The following IGSF11 variants were observed in gnomAD, a reference collection of about 807,000 sequenced individuals.
IGSF11 encodes immunoglobulin superfamily member 11.
A neutral mutation model predicts 41.0 loss-of-function variants in IGSF11; 22 were observed. The observed-to-expected ratio is 0.54, with a 90% CI of 0.38 to 0.77. IGSF11 has a LOEUF of 0.77. IGSF11 is among the 30% of genes least tolerant of loss of function. The pLI, the probability that IGSF11 is intolerant of heterozygous loss-of-function variation, is 0.00. For synonymous variants in IGSF11, 219 were observed against 201.3 expected (o/e 1.09, Z -0.74); for missense variants, 444 against 530.8 (o/e 0.84, Z 1.61).
intron 1 of IGSF11, among the ~76,000 whole-genome samples, chr3:118,983,136 A>C (rs1197978756): frequency 6.6e-6 from 1 of 152,236 alleles, no homozygotes; most frequent in Non-Finnish European, 1.5e-5. Context: ...GACTAGGTGA[A>C]CATGTAAGCA....
chr3:119,055,118 G>A (rs142222219), intron 1 of IGSF11, among the ~76,000 whole-genome samples: 501 of 152,240 alleles, frequency 3.3e-3, no homozygotes, highest in African/African-American at 0.011. Context: ...GCTGAGGGTC[G>A]TGACTGTTAG....
chr3:118,930,330 C>A, intron 1 of IGSF11, 55 bp from the exon 2 acceptor site: 1 of 1,521,778 alleles, frequency 6.6e-7, no homozygotes, highest in South Asian at 1.3e-5. Flanking sequence ...ACAGTCCAAA[C>A]TCCTTCAGGA....
At chr3:119,083,941 C>T (rs2076629107) in intron 1 of IGSF11, among the ~76,000 whole-genome samples, 1 of 152,112 alleles carries the variant, frequency 6.6e-6, no homozygotes, top group African/African-American at 2.4e-5. Context: ...ATTGTTATCA[C>T]AGGAGATGAC....
intron 1 of IGSF11, among the ~76,000 whole-genome samples, chr3:118,935,998 T>C (rs1337950848): frequency 6.6e-6 from 1 of 152,128 alleles, no homozygotes; most frequent in African/African-American, 2.4e-5. Flanking sequence ...TCCTCTTTAG[T>C]ATATTGATAG....
chr3:118,970,357 T>C (rs1265985971), intron 1 of IGSF11, among the ~76,000 whole-genome samples: 1 of 152,046 alleles, frequency 6.6e-6, no homozygotes, highest in Non-Finnish European at 1.5e-5. Context: ...TGTTACCACA[T>C]AAAAATAAAC....
chr3:118,990,443 A>C (rs1173187520), intron 1 of IGSF11, among the ~76,000 whole-genome samples: 1 of 152,220 alleles, frequency 6.6e-6, no homozygotes, highest in Non-Finnish European at 1.5e-5. Flanking sequence ...CAATTCAATT[A>C]AGTGTCCTGA....
chr3:118,902,808 GCTGA>G lies in IGSF11; in HGVS notation c.1004_1007del (p.Val335AlafsTer38), dbSNP rs951490390. On this transcript the variant is annotated frameshift_variant, in exon 7 of 7. Coordinates refer to ENST00000393775, the MANE Select transcript of IGSF11 (RefSeq NM_001015887.3). LOFTEE classifies it high-confidence loss of function. ...AAGATTGGCCCAAGTCACTGAAGTG[GCTGA>G]CTGACTCTGTGTTTCTATGAACTTT... The G allele has an allele frequency of 1.2e-6, 2 of 1,614,056 alleles. No individual in the cohort carries two copies. Among genetic ancestry groups the G allele is most frequent in the African/African-American group, 2.7e-5 (2 of 74,926 alleles).
chr3:119,045,462 G>T (rs1002099992), intron 1 of IGSF11, among the ~76,000 whole-genome samples: 24 of 152,324 alleles, frequency 1.6e-4, no homozygotes, highest in African/African-American at 5.3e-4. Context: ...CGCACCATGA[G>T]ATTATATCCC....
chr3:118,978,648 G>A (rs756354216), intron 1 of IGSF11, among the ~76,000 whole-genome samples: 14 of 152,090 alleles, frequency 9.2e-5, no homozygotes, highest in African/African-American at 2.4e-4. Context: ...ACCCTAAGCC[G>A]CCAAGAAAAT....
At chr3:119,118,767 G>C (rs1382953327) in intron 1 of IGSF11, among the ~76,000 whole-genome samples, 1 of 152,104 alleles carries the variant, frequency 6.6e-6, no homozygotes, top group East Asian at 1.9e-4. Context: ...GAATGACTTT[G>C]ACAGCACCCA....
intron 4 of IGSF11, among the ~76,000 whole-genome samples, chr3:118,916,533 G>T (rs1338231391): frequency 6.6e-6 from 1 of 151,550 alleles, no homozygotes; most frequent in African/African-American, 2.4e-5. Context: ...ATGGTAAAGG[G>T]ATCAATTCAA....
intron 1 of IGSF11, among the ~76,000 whole-genome samples, chr3:119,134,361 G>A (rs1381551944): frequency 6.6e-6 from 1 of 152,190 alleles, no homozygotes; most frequent in Non-Finnish European, 1.5e-5. Context: ...AGCAACTTCA[G>A]CAAAGCTCAG....
chr3:119,119,200 T>G (rs1374604966), intron 1 of IGSF11, among the ~76,000 whole-genome samples: 2 of 152,186 alleles, frequency 1.3e-5, no homozygotes, highest in Non-Finnish European at 2.9e-5. Context: ...ATTTTCATGC[T>G]GCTGATGAAG....
intron 1 of IGSF11, among the ~76,000 whole-genome samples, chr3:119,021,139 A>C (rs1017580952): frequency 6.6e-6 from 1 of 152,238 alleles, no homozygotes; most frequent in African/African-American, 2.4e-5. Context: ...TTTTGGCCAC[A>C]GGTTAAAATC....
At chr3:119,088,701 C>T (rs1376720440) in intron 1 of IGSF11, among the ~76,000 whole-genome samples, 1 of 152,022 alleles carries the variant, frequency 6.6e-6, no homozygotes, top group Non-Finnish European at 1.5e-5. Flanking sequence ...AGACTGCTAG[C>T]TAGATTAACA....
chr3:119,041,082 CT>C (rs1191744670), intron 1 of IGSF11, among the ~76,000 whole-genome samples: 1 of 151,918 alleles, frequency 6.6e-6, no homozygotes, highest in Non-Finnish European at 1.5e-5. Flanking sequence ...TACTACTTAG[CT>C]TAAGAATTTT....
Position 118,930,907 on chromosome 3 carries a change from G to C in IGSF11, c.53-632C>G, listed in dbSNP as rs371235260. Among the ~76,000 whole-genome samples the C allele has an allele frequency of 1.5e-3, 229 of 152,174 alleles. 1 individual carries two copies. The highest frequency in any genetic ancestry group is 5.1e-3 in the African/African-American group (213 of 41,540). ...AAAAATATAGAAAGACAAAGAACTA[G>C]AATAGCCAAAAGAATACTGAAAAAT... On this transcript the variant is annotated intron_variant, in intron 1 of 6. Coordinates refer to ENST00000393775, the MANE Select transcript of IGSF11 (RefSeq NM_001015887.3).
intron 1 of IGSF11, among the ~76,000 whole-genome samples, chr3:119,047,175 T>C (rs1460326886): frequency 6.6e-6 from 1 of 150,628 alleles, no homozygotes; most frequent in Admixed American, 6.6e-5. Context: ...ATGGACTAAA[T>C]GCTCCAATTA....
At chr3:119,061,541 A>G (rs1942051884) in intron 1 of IGSF11, among the ~76,000 whole-genome samples, 1 of 152,182 alleles carries the variant, frequency 6.6e-6, no homozygotes. Context: ...GCTCCCCAGA[A>G]GTTCCTGGCA....
Sources: gnomAD v4.1 joint callset for allele counts (sites outside exome capture counted in the v4.1 genomes callset) on GRCh38, gnomAD v4.1.1 for gene constraint, MANE v1.5 for transcripts, NCBI Gene and HGNC (gene_info 2026-07-23, HGNC 2026-07-21) for gene names.